Variants in DCDC1 observed in about 807,000 individuals in gnomAD.
The protein encoded by DCDC1 is doublecortin domain containing 1, also known as doublecortin domain-containing protein 1.
Under a neutral mutation model 178.3 loss-of-function variants are expected in DCDC1, and 200 were observed. That is an observed-to-expected ratio of 1.12 (90% CI 1.00 to 1.26). The LOEUF (loss-of-function observed/expected upper bound fraction) is 1.26. Among genes scored for constraint, DCDC1 ranks in the 50% most tolerant of loss-of-function variants. The pLI is 0.00. For missense variants in DCDC1, 1,983 were observed against 1,749.2 expected (o/e 1.13, Z -2.38); for synonymous variants, 690 against 604.8 (o/e 1.14, Z -2.07).
At chr11:31,353,675 C>T (rs796102172) in intron 1 of DCDC1, among the ~76,000 whole-genome samples, 17 of 152,210 alleles carry the variant, frequency 1.1e-4, no homozygotes, top group African/African-American at 4.1e-4. Context: ...GTCTGATGTT[C>T]GATATTTACT....
At chr11:31,277,505 G>C (rs1459857816) in intron 7 of DCDC1, among the ~76,000 whole-genome samples, 1 of 152,054 alleles carries the variant, frequency 6.6e-6, no homozygotes, top group Non-Finnish European at 1.5e-5. Flanking sequence ...AAACTGTTTT[G>C]CCAAGTGGCT....
intron 20 of DCDC1, among the ~76,000 whole-genome samples, chr11:31,044,119 T>A (rs1284488896): frequency 6.6e-6 from 1 of 152,040 alleles, no homozygotes; most frequent in Non-Finnish European, 1.5e-5. Context: ...CCTACTTACA[T>A]GAGTCCGTTT....
At chr11:30,958,101 T>C (rs940778985) in intron 20 of DCDC1, among the ~76,000 whole-genome samples, 2 of 152,162 alleles carry the variant, frequency 1.3e-5, no homozygotes, top group African/African-American at 4.8e-5. Flanking sequence ...TACTTGATCA[T>C]CCACTTTGTA....
chr11:31,157,594 T>C (rs208095), intron 9 of DCDC1, among the ~76,000 whole-genome samples: 89,888 of 151,412 alleles, frequency 0.59, 27,126 homozygotes, highest in East Asian at 0.93. Context: ...CACAAAAGGA[T>C]AAATATTGTG....
At chr11:30,998,454 G>C (rs1951392600) in intron 20 of DCDC1, among the ~76,000 whole-genome samples, 1 of 152,016 alleles carries the variant, frequency 6.6e-6, no homozygotes, top group South Asian at 2.1e-4. Flanking sequence ...AAAGAATAAA[G>C]TAAATATCCA....
In DCDC1 at chr11:31,296,239, G is replaced by A. The variant is rs552842518; in HGVS notation, c.755-5387C>T. 3.9e-5 allele frequency among the ~76,000 whole-genome samples: 6 copies of A among 152,280 alleles called. No individual in the cohort carries two copies. The South Asian group carries it at 1.0e-3, about 26-fold the overall frequency. On this transcript the variant is annotated intron_variant, in intron 6 of 38. Coordinates refer to ENST00000684477, the MANE Select transcript of DCDC1 (RefSeq NM_001387274.1). ...TTTCCTAACCTTATGTCTAACAGAAGAGTTTACAATCTGATGCCATTCAAA... is the reference window on the plus strand; with the variant it reads ...TTTCCTAACCTTATGTCTAACAGAAAAGTTTACAATCTGATGCCATTCAAA...
chr11:31,110,813 T>C (rs770606451), intron 11 of DCDC1, among the ~76,000 whole-genome samples: 18 of 152,162 alleles, frequency 1.2e-4, no homozygotes, highest in Non-Finnish European at 1.2e-4. Context: ...TACTTAAATA[T>C]ATCAGCGTTC....
intron 17 of DCDC1, among the ~76,000 whole-genome samples, chr11:31,083,188 C>G (rs1246244424): frequency 6.6e-6 from 1 of 152,032 alleles, no homozygotes; most frequent in African/African-American, 2.4e-5. Flanking sequence ...AAAATGGATG[C>G]AAAAAGCTAT....
chr11:31,073,335 A>C (rs1042961869), intron 18 of DCDC1, among the ~76,000 whole-genome samples: 77 of 152,322 alleles, frequency 5.1e-4, no homozygotes, highest in Admixed American at 4.3e-3. Flanking sequence ...ACAAAAAGAA[A>C]GGTAAAATGA....
chr11:30,986,448 TC>T (rs1280810886), intron 20 of DCDC1, among the ~76,000 whole-genome samples: 1 of 151,690 alleles, frequency 6.6e-6, no homozygotes, highest in African/African-American at 2.4e-5. Context: ...TTCTCCTGCC[TC>T]AGCCTCCCAA....
Position 30,938,172 on chromosome 11 carries a change from ATC to A in DCDC1, c.2716-6222_2716-6221del, listed in dbSNP as rs963215721. Among the ~76,000 whole-genome samples the A allele has an allele frequency of 1.1e-4, 17 of 150,332 alleles. 1 individual carries two copies. The highest frequency in any genetic ancestry group is 3.2e-4 in the African/African-American group (13 of 40,740). ...GTCTCACCTTCTGTGTCTCTCTTTG[ATC>A]TCTGTCTTTTCCAGTTTCTCTCTCG... On this transcript the variant is annotated intron_variant, in intron 21 of 38. Transcript: ENST00000684477.
intron 8 of DCDC1, among the ~76,000 whole-genome samples, chr11:31,244,145 T>C (rs1460145992): frequency 1.3e-5 from 2 of 151,722 alleles, no homozygotes; most frequent in Non-Finnish European, 2.9e-5. Context: ...ATAATAATAT[T>C]TATTAAGCAG....
intron 21 of DCDC1, chr11:30,943,847 A>C (rs1947827360): frequency 3.3e-6 from 1 of 299,116 alleles, no homozygotes; most frequent in African/African-American, 2.2e-5. Flanking sequence ...GCATGAAATC[A>C]GTTCTCAAAG....
intron 1 of DCDC1, among the ~76,000 whole-genome samples, chr11:31,368,955 C>G (rs1952122155): frequency 6.6e-6 from 1 of 152,062 alleles, no homozygotes; most frequent in Non-Finnish European, 1.5e-5. Context: ...CCACCACCAC[C>G]ACCACCACCA....
chr11:31,349,711 T>C (rs1950981128), intron 1 of DCDC1, among the ~76,000 whole-genome samples: 1 of 152,124 alleles, frequency 6.6e-6, no homozygotes, highest in South Asian at 2.1e-4. Flanking sequence ...ATACAGTTCA[T>C]ATACATGGCT....
chr11:30,911,854 C>T (rs1945471103), intron 27 of DCDC1, among the ~76,000 whole-genome samples: 1 of 152,164 alleles, frequency 6.6e-6, no homozygotes, highest in Non-Finnish European at 1.5e-5. Context: ...TGCCCAGCAA[C>T]AGACTGCACC....
At chr11:30,917,261 T>C (rs965680014) in intron 25 of DCDC1, among the ~76,000 whole-genome samples, 39 of 152,200 alleles carry the variant, frequency 2.6e-4, no homozygotes, top group African/African-American at 9.4e-4. Flanking sequence ...GCATTCATCT[T>C]TGTCATGTTT....
chr11:30,928,109 C>A (rs553553985), intron 22 of DCDC1, among the ~76,000 whole-genome samples: 1 of 151,920 alleles, frequency 6.6e-6, no homozygotes, highest in Admixed American at 6.6e-5. Flanking sequence ...TAGATTAATG[C>A]CCCCCCTTGG....
intron 18 of DCDC1, among the ~76,000 whole-genome samples, chr11:31,074,600 G>A (rs1242304853): frequency 6.6e-6 from 1 of 152,094 alleles, no homozygotes; most frequent in Non-Finnish European, 1.5e-5. Flanking sequence ...TGGCATTTTG[G>A]TCTTAGACTC....
Sources: gnomAD v4.1 joint callset for allele counts (sites outside exome capture counted in the v4.1 genomes callset) on GRCh38, gnomAD v4.1.1 for gene constraint, MANE v1.5 for transcripts, NCBI Gene and HGNC (gene_info 2026-07-23, HGNC 2026-07-21) for gene names.